Variants in TMEM50A observed in about 807,000 individuals in gnomAD.
TMEM50A encodes the protein cervical cancer oncogene 9.
A neutral mutation model predicts 23.9 loss-of-function variants in TMEM50A; 8 were observed. That is an observed-to-expected ratio of 0.33 (90% CI 0.20 to 0.60). TMEM50A has a LOEUF of 0.60. Ranked by LOEUF, TMEM50A falls within the 20% of genes least tolerant of loss-of-function variation. The pLI is 0.81. For synonymous variants in TMEM50A, 55 were observed against 60.4 expected, an observed-to-expected ratio of 0.91 and a Z score of 0.41; for missense variants, 178 against 192.7, an observed-to-expected ratio of 0.92 and a Z score of 0.45.
intron 4 of TMEM50A, 47 bp downstream of exon 4, chr1:25,351,740 A>C (rs559294383): frequency 4.6e-6 from 7 of 1,534,000 alleles, no homozygotes; most frequent in Non-Finnish European, 3.6e-6. Context: ...TAAATCCTTA[A>C]GATGAGTATT....
In TMEM50A at chr1:25,349,119, G is replaced by A. The variant is rs561641951; in HGVS notation, c.207-2507G>A. ...AGGCTGTCCAGATGGGGCAGGAGAAGCAGTGTGGCAGCTCTGTCCGCTAAG... is the reference window on the plus strand; with the variant it reads ...AGGCTGTCCAGATGGGGCAGGAGAAACAGTGTGGCAGCTCTGTCCGCTAAG... On this transcript the variant is annotated intron_variant, in intron 3 of 6. Coordinates refer to ENST00000374358, the MANE Select transcript of TMEM50A (RefSeq NM_014313.4). Among the ~76,000 whole-genome samples, 10 of 152,350 alleles carry A rather than the reference G, an allele frequency of 6.6e-5. No individual in the cohort carries two copies. In the East Asian group the frequency reaches 1.5e-3, roughly 23 times the overall value.
chr1:25,351,092 G>C (rs1645270777), intron 3 of TMEM50A, among the ~76,000 whole-genome samples: 1 of 151,318 alleles, frequency 6.6e-6, no homozygotes, highest in South Asian at 2.1e-4. Context: ...TAAAACCTGG[G>C]AGGCAGAGGT....
rs77345180 is a variant in TMEM50A, at chr1:25,341,875, T to G, written c.94-1086T>G. On this transcript the variant is annotated intron_variant, in intron 2 of 6. Coordinates refer to ENST00000374358, the MANE Select transcript of TMEM50A (RefSeq NM_014313.4). ...ACACCGGGCTAATTTTTGTTTTTTT[T>G]TTTGTTTGTTTTTTTTGTAGAGATG... Among the ~76,000 whole-genome samples the G allele has an allele frequency of 3.8e-3, 577 of 151,242 alleles. 4 individuals carry two copies. The highest frequency in any genetic ancestry group is 0.018 in the South Asian group (86 of 4,798).
At chr1:25,356,988 G>T (rs1213615134) in intron 6 of TMEM50A, 135 bp downstream of exon 6, 1 of 633,780 alleles carries the variant, frequency 1.6e-6, no homozygotes, top group East Asian at 2.9e-5. Flanking sequence ...AACATGGAGA[G>T]TAAGGTTGAG....
In TMEM50A at chr1:25,360,779, T is replaced by C. The variant is rs1345860880; in HGVS notation, c.*74T>C. 11 of 1,481,314 alleles carry C rather than the reference T, an allele frequency of 7.4e-6. No homozygotes were observed. Among genetic ancestry groups the C allele is most frequent in the Non-Finnish European group, 1.0e-5 (11 of 1,068,754 alleles). The allele number at this position is 1,481,314 out of a possible 1,614,324, so 91.8% of individuals were successfully genotyped here. ...TTTTTTACTGCTCACTCCCAACCTTTTGTAATGCCATTTTCTAAACTTATT... is the reference window on the plus strand; with the variant it reads ...TTTTTTACTGCTCACTCCCAACCTTCTGTAATGCCATTTTCTAAACTTATT... On this transcript the variant is annotated 3_prime_UTR_variant, in exon 7 of 7. Transcript: ENST00000374358.
At chr1:25,355,054 G>T (rs1645319678) in intron 5 of TMEM50A, among the ~76,000 whole-genome samples, 1 of 152,136 alleles carries the variant, frequency 6.6e-6, no homozygotes, top group South Asian at 2.1e-4. Flanking sequence ...TTACAGGAGT[G>T]AGCCACCACG....
intron 6 of TMEM50A, among the ~76,000 whole-genome samples, chr1:25,360,057 C>G (rs2124267949): frequency 6.6e-6 from 1 of 152,188 alleles, no homozygotes; most frequent in African/African-American, 2.4e-5. Flanking sequence ...TTGATAAAAT[C>G]AGACGTATAG....
chr1:25,347,304 C>T (rs867659027), intron 3 of TMEM50A, among the ~76,000 whole-genome samples: 5 of 151,746 alleles, frequency 3.3e-5, no homozygotes, highest in African/African-American at 4.8e-5. Context: ...GGCATGATCT[C>T]GGTTCACTGC....
chr1:25,357,228 T>G (rs750769147), intron 6 of TMEM50A, among the ~76,000 whole-genome samples: 1 of 152,246 alleles, frequency 6.6e-6, no homozygotes, highest in African/African-American at 2.4e-5. Flanking sequence ...ATATATTTTA[T>G]AATTCTTCTG....
At chr1:25,340,699 G>A in intron 2 of TMEM50A, 120 bp downstream of exon 2, 1 of 684,182 alleles carries the variant, frequency 1.5e-6, no homozygotes, top group Non-Finnish European at 2.3e-6. Flanking sequence ...CTTTGACCAT[G>A]TTGATATTTT....
At chr1:25,342,394 A>C (rs1484534289) in intron 2 of TMEM50A, among the ~76,000 whole-genome samples, 4 of 152,214 alleles carry the variant, frequency 2.6e-5, no homozygotes, top group Non-Finnish European at 5.9e-5. Flanking sequence ...TCTAGAGCCA[A>C]ATTCAATTAG....
chr1:25,357,648 G>A (rs1645349673), intron 6 of TMEM50A, among the ~76,000 whole-genome samples: 1 of 148,786 alleles, frequency 6.7e-6, no homozygotes, highest in East Asian at 2.0e-4. Context: ...GTGTGTGTGT[G>A]TTGTTTTGAG....
rs1249111398 is a variant in TMEM50A at position 25,340,460 on chromosome 1, T to G, written c.-13-14T>G. 1 of 1,586,480 alleles carries G rather than the reference T, an allele frequency of 6.3e-7. No individual in the cohort carries two copies. Among genetic ancestry groups the G allele is most frequent in the East Asian group, 2.2e-5 (1 of 44,664 alleles). On this transcript the variant is annotated splice_polypyrimidine_tract_variant and intron_variant, in intron 1 of 6. Coordinates refer to ENST00000374358, the MANE Select transcript of TMEM50A (RefSeq NM_014313.4). ...GGAAGTACTTATTTAATTGTTTGTT[T>G]GTTTGTTTTTAAGTGACCTGAAAAA...
Position 25,345,844 on chromosome 1 carries a change from A to G in TMEM50A, c.206+2771A>G, listed in dbSNP as rs573201781. Among the ~76,000 whole-genome samples the G allele has an allele frequency of 1.4e-4, 21 of 151,340 alleles. No homozygotes were observed. The South Asian group carries it at 3.6e-3, about 26-fold the overall frequency. On this transcript the variant is annotated intron_variant, in intron 3 of 6. Coordinates refer to ENST00000374358, the MANE Select transcript of TMEM50A (RefSeq NM_014313.4). ...GCTCTGTCGCCCAGGCTGGAGTGCA[A>G]TGGCATGATCTCTGCTCACTGCAAC...
chr1:25,359,982 A>G (rs191534861), intron 6 of TMEM50A, among the ~76,000 whole-genome samples: 1 of 152,272 alleles, frequency 6.6e-6, no homozygotes, highest in Non-Finnish European at 1.5e-5. Flanking sequence ...AATGAGAGCA[A>G]TTTGAGGGCA....
rs1645419297 is a variant in TMEM50A, at chr1:25,362,244, G to A, written c.*1539G>A. 1.6e-6 allele frequency: 1 copy of A among 617,818 alleles called. No individual in the cohort carries two copies. 38.3% of individuals were successfully genotyped at this position (617,818 alleles called of 1,614,324 possible). On this transcript the variant is annotated 3_prime_UTR_variant, in exon 7 of 7. Coordinates refer to ENST00000374358, the MANE Select transcript of TMEM50A (RefSeq NM_014313.4). ...AGCATGAGAAAGAATCTTAAGAATT[G>A]TCAATAAAATTAACCCAAAACTTTA...
At chr1:25,346,771 C>G (rs931076166) in intron 3 of TMEM50A, among the ~76,000 whole-genome samples, 44 of 152,196 alleles carry the variant, frequency 2.9e-4, no homozygotes, top group Non-Finnish European at 5.9e-4. Context: ...GTAATCCCAG[C>G]ACTTTGGGAG....
At chr1:25,346,746 T>C (rs1645222205) in intron 3 of TMEM50A, among the ~76,000 whole-genome samples, 1 of 152,002 alleles carries the variant, frequency 6.6e-6, no homozygotes, top group Non-Finnish European at 1.5e-5. Flanking sequence ...TGGCCAGGCA[T>C]GGTGGCTCAC....
In TMEM50A at chr1:25,353,085, G is replaced by A. The variant is rs531003386; in HGVS notation, c.367+111G>A. The A allele has an allele frequency of 1.5e-3, 1,301 of 841,386 alleles. 3 individuals carry two copies. Among genetic ancestry groups the A allele is most frequent in the Non-Finnish European group, 2.1e-3 (1,159 of 543,986 alleles). The allele number at this position is 841,386 out of a possible 1,614,324, so 52.1% of individuals were successfully genotyped here. A position where few individuals can be genotyped will look rare whatever the true frequency, so the allele number is the denominator to read the frequency against. Reference sequence around the variant, plus strand: ...TCCTATAGTTGGGCCAACTACTAGCGATGCATTTATATCCGGGACCCCCCA... The same window carrying A: ...TCCTATAGTTGGGCCAACTACTAGCAATGCATTTATATCCGGGACCCCCCA... On this transcript the variant is annotated intron_variant, in intron 5 of 6. Coordinates refer to ENST00000374358, the MANE Select transcript of TMEM50A (RefSeq NM_014313.4).
Sources: allele counts gnomAD v4.1 joint callset (sites outside exome capture counted in the v4.1 genomes callset), GRCh38; gene constraint gnomAD v4.1.1; transcripts MANE v1.5; gene names NCBI Gene and HGNC (gene_info 2026-07-23, HGNC 2026-07-21).